The following TEKT1 variants were observed in gnomAD, a reference collection of about 807,000 sequenced individuals.
TEKT1 encodes the protein tektin 1, also known as tektin-1.
Under a neutral mutation model 34.8 loss-of-function variants are expected in TEKT1, and 32 were observed. The ratio of observed to expected loss-of-function variants is 0.92; its 90% CI spans 0.69 to 1.23. The LOEUF (loss-of-function observed/expected upper bound fraction) is 1.23, where lower values mean the gene tolerates loss of function less well. Ranked by LOEUF, TEKT1 falls within the 50% of genes most tolerant of loss-of-function variation. The pLI, the probability that TEKT1 is intolerant of heterozygous loss-of-function variation, is 0.00. For synonymous variants in TEKT1, 207 were observed against 199.8 expected, an observed-to-expected ratio of 1.04 and a Z score of -0.30; for missense variants, 492 against 518.5, an observed-to-expected ratio of 0.95 and a Z score of 0.50.
chr17:6,828,900 CCA>C (rs747116828), intron 2 of TEKT1, among the ~76,000 whole-genome samples: 5 of 151,828 alleles, frequency 3.3e-5, no homozygotes, highest in Non-Finnish European at 5.9e-5. Context: ...GCCTGTAATC[CCA>C]GACTTTGGGA....
At chr17:6,822,604 C>G (rs767609435) in intron 2 of TEKT1, among the ~76,000 whole-genome samples, 23 of 152,208 alleles carry the variant, frequency 1.5e-4, no homozygotes, top group Non-Finnish European at 1.0e-4. Flanking sequence ...CTCTTATATT[C>G]TTAATTTCTA....
Position 6,800,714 on chromosome 17 carries a change from C to T in TEKT1, c.1049+33G>A, listed in dbSNP as rs753601127. On this transcript the variant is annotated intron_variant, in intron 7 of 7. Coordinates refer to ENST00000338694, the MANE Select transcript of TEKT1 (RefSeq NM_053285.2). ...TGATATCCAGGTTGGGATTGAGACCCGAAGGCCCTCTGCCCACTGGCTGCT... is the reference window on the plus strand; with the variant it reads ...TGATATCCAGGTTGGGATTGAGACCTGAAGGCCCTCTGCCCACTGGCTGCT... 24 of 1,587,126 alleles carry T rather than the reference C, an allele frequency of 1.5e-5. No individual in the cohort carries two copies. The African/African-American group carries it at 2.3e-4, about 15-fold the overall frequency.
chr17:6,800,659 C>T (rs1976757047), intron 7 of TEKT1, 88 bp downstream of exon 7: 15 of 1,461,890 alleles, frequency 1.0e-5, no homozygotes, highest in South Asian at 6.8e-5. Context: ...TGGCTTCATT[C>T]ACGCTGCTGG....
chr17:6,815,146 CG>C lies in TEKT1; in HGVS notation c.629+16del. On this transcript the variant is annotated intron_variant, in intron 5 of 7. Transcript: ENST00000338694. ...ACTGGGTCACCCGCGAGGAGGAAGA[CG>C]GCAAGGCCCACTCACTTTGGCTCAA... The C allele has an allele frequency of 6.3e-7, 1 of 1,599,518 alleles. No individual in the cohort carries two copies. Among genetic ancestry groups the C allele is most frequent in the Non-Finnish European group, 8.5e-7 (1 of 1,172,574 alleles).
chr17:6,827,873 A>G (rs971489597), intron 2 of TEKT1, among the ~76,000 whole-genome samples: 1 of 151,948 alleles, frequency 6.6e-6, no homozygotes, highest in Admixed American at 6.5e-5. Flanking sequence ...AAATGATTCC[A>G]TGAATCAATG....
chr17:6,817,282 G>A (rs1977019846), intron 3 of TEKT1, among the ~76,000 whole-genome samples: 1 of 152,006 alleles, frequency 6.6e-6, no homozygotes, highest in Non-Finnish European at 1.5e-5. Flanking sequence ...GGCTGAGGCA[G>A]GAGAATCATT....
chr17:6,815,038 G>T, intron 5 of TEKT1, 125 bp downstream of exon 5: 1 of 1,220,590 alleles, frequency 8.2e-7, no homozygotes, highest in Non-Finnish European at 1.2e-6. Flanking sequence ...ACCATTCAAT[G>T]CTGCCTTTGC....
At chr17:6,819,114 A>G in intron 3 of TEKT1, 79 bp downstream of exon 3, 1 of 1,514,932 alleles carries the variant, frequency 6.6e-7, no homozygotes. Flanking sequence ...CTAACTCACC[A>G]TCGCACACAG....
chr17:6,804,001 T>G (rs1257901999), intron 6 of TEKT1, among the ~76,000 whole-genome samples: 1 of 152,154 alleles, frequency 6.6e-6, no homozygotes, highest in African/African-American at 2.4e-5. Context: ...GTGAAGAAAG[T>G]CATTGGTAGC....
intron 6 of TEKT1, among the ~76,000 whole-genome samples, chr17:6,808,511 C>A (rs1051729274): frequency 6.6e-6 from 1 of 152,194 alleles, no homozygotes; most frequent in African/African-American, 2.4e-5. Flanking sequence ...TGAGATGAAC[C>A]TGGTACCTCA....
chr17:6,822,522 G>A (rs1322317912), intron 2 of TEKT1, among the ~76,000 whole-genome samples: 1 of 152,064 alleles, frequency 6.6e-6, no homozygotes, highest in Non-Finnish European at 1.5e-5. Flanking sequence ...TTTCTTTGCT[G>A]TTATTTTGTT....
chr17:6,826,196 T>G (rs536692289), intron 2 of TEKT1, among the ~76,000 whole-genome samples: 1 of 152,236 alleles, frequency 6.6e-6, no homozygotes, highest in African/African-American at 2.4e-5. Context: ...ATGTCCCTGA[T>G]GACTCATAAA....
intron 2 of TEKT1, among the ~76,000 whole-genome samples, chr17:6,826,617 C>T (rs992614331): frequency 6.9e-6 from 1 of 145,886 alleles, no homozygotes; most frequent in Non-Finnish European, 1.5e-5. Context: ...CTTAGATTTG[C>T]AGATAGATAG....
At chr17:6,819,928 T>G (rs189879117) in intron 2 of TEKT1, among the ~76,000 whole-genome samples, 6 of 152,334 alleles carry the variant, frequency 3.9e-5, no homozygotes, top group Non-Finnish European at 5.9e-5. Context: ...GACCTCGTGA[T>G]CCGCCTGCCT....
intron 6 of TEKT1, among the ~76,000 whole-genome samples, chr17:6,805,416 C>T (rs925769319): frequency 9.2e-5 from 14 of 152,122 alleles, no homozygotes; most frequent in African/African-American, 3.4e-4. Flanking sequence ...AAAAAACCAG[C>T]TCCTGGATTC....
At chr17:6,816,456 C>T (rs1471066734) in intron 3 of TEKT1, among the ~76,000 whole-genome samples, 1 of 152,110 alleles carries the variant, frequency 6.6e-6, no homozygotes, top group Non-Finnish European at 1.5e-5. Flanking sequence ...TGTTCAATTC[C>T]CACCTATGAG....
chr17:6,822,209 T>A lies in TEKT1; in HGVS notation c.191-2851A>T, dbSNP rs1422470645. On this transcript the variant is annotated intron_variant, in intron 2 of 7. Transcript: ENST00000338694. ...TGGAGTGCAGTGGCACAACCATAGC[T>A]CACTGTAACTTTGAACTCCTGGGCT... Among the ~76,000 whole-genome samples, 3 of 152,150 alleles carry A rather than the reference T, an allele frequency of 2.0e-5. No homozygotes were observed. In the East Asian group the frequency reaches 5.8e-4, roughly 29 times the overall value.
chr17:6,827,646 T>C (rs1904448645), intron 2 of TEKT1, among the ~76,000 whole-genome samples: 1 of 152,194 alleles, frequency 6.6e-6, no homozygotes, highest in Admixed American at 6.5e-5. Flanking sequence ...GCTGAGATTT[T>C]CATTGGCATT....
intron 2 of TEKT1, among the ~76,000 whole-genome samples, chr17:6,828,448 C>T (rs1347281442): frequency 6.6e-6 from 1 of 152,194 alleles, no homozygotes; most frequent in South Asian, 2.1e-4. Context: ...TCAGCTGGCC[C>T]AGTGTTATAA....
Sources: allele counts gnomAD v4.1 joint callset (sites outside exome capture counted in the v4.1 genomes callset), GRCh38; gene constraint gnomAD v4.1.1; transcripts MANE v1.5; gene names NCBI Gene and HGNC (gene_info 2026-07-23, HGNC 2026-07-21).